Variants in MEGF10 observed in about 807,000 individuals in gnomAD.
MEGF10 encodes multiple EGF like domains 10.
Under a neutral mutation model 147.5 loss-of-function variants are expected in MEGF10, and 86 were observed. The ratio of observed to expected loss-of-function variants is 0.58; its 90% CI spans 0.49 to 0.70. MEGF10 has a LOEUF of 0.70. MEGF10 is among the 30% of genes least tolerant of loss of function. The probability of loss-of-function intolerance (pLI) is 0.00; values close to 1 mark genes in which losing one functional copy is unlikely to be tolerated. For missense variants in MEGF10, 1,329 were observed against 1,487.3 expected (o/e 0.89, Z 1.75); for synonymous variants, 478 against 525.5 (o/e 0.91, Z 1.24).
chr5:127,420,278 G>A, intron 12 of MEGF10, 71 bp downstream of exon 12: 1 of 1,537,860 alleles, frequency 6.5e-7, no homozygotes, highest in South Asian at 1.3e-5. Flanking sequence ...GCTTCTTTTT[G>A]CATTTTTCCT....
Position 127,419,216 on chromosome 5 carries a change from G to T in MEGF10, c.1402G>T (p.Asp468Tyr), listed in dbSNP as rs745877628. The T allele has an allele frequency of 5.0e-6, 8 of 1,613,934 alleles. No homozygotes were observed. Among genetic ancestry groups the T allele is most frequent in the Non-Finnish European group, 5.9e-6 (7 of 1,179,988 alleles). ...CKNDAVCSPVDGSCTCKAGWH... is the reference protein window; with the variant it reads ...CKNDAVCSPVYGSCTCKAGWH... ...AAATGATGCAGTCTGCTCTCCTGTG[G>T]ACGGGTCTTGTACTTGCAAGGCAGG... The change falls in exon 11 of 25, where the codon GAC becomes TAC. Residue 468 changes from aspartate to tyrosine, a missense_variant. By Grantham distance (160) the Asp-to-Tyr change is radical. Around this residue, in one of 3 missense-constraint regions of MEGF10, gnomAD observed 980 missense variants for 1,085.9 expected, o/e 0.90. Transcript: ENST00000503335.
At chr5:127,252,201 AT>A in the MEGF10 span, among the ~76,000 whole-genome samples, 3 of 151,702 alleles carry the variant, frequency 2.0e-5, no homozygotes, top group African/African-American at 7.3e-5. Context: ...TTTGGAGAAA[AT>A]TTTTTTACTA....
intron 1 of MEGF10, among the ~76,000 whole-genome samples, chr5:127,314,406 A>G (rs911146695): frequency 1.3e-5 from 2 of 152,194 alleles, no homozygotes; most frequent in African/African-American, 4.8e-5. Context: ...CTAGTTGAAG[A>G]GGTGGGATTG....
the MEGF10 span, among the ~76,000 whole-genome samples, chr5:127,239,461 AATATATATATATATAAT>A: frequency 7.6e-6 from 1 of 131,318 alleles, no homozygotes; most frequent in Non-Finnish European, 1.6e-5. Flanking sequence ...TTATATATAA[AATATATATATATATAAT>A]ATATATACAC....
the MEGF10 span, among the ~76,000 whole-genome samples, chr5:127,257,662 T>G: frequency 6.6e-6 from 1 of 152,206 alleles, no homozygotes; most frequent in Non-Finnish European, 1.5e-5. Flanking sequence ...GTTAGGGACA[T>G]GCCTGTGATA....
At chr5:127,417,901 C>T (rs1237017617) in intron 10 of MEGF10, 89 bp downstream of exon 10, 4 of 1,349,220 alleles carry the variant, frequency 3.0e-6, no homozygotes, top group Admixed American at 5.2e-5. Flanking sequence ...CAGTGAAATA[C>T]AGTGAATGTG....
chr5:127,435,868 G>A (rs1226145076), intron 16 of MEGF10, among the ~76,000 whole-genome samples: 1 of 152,162 alleles, frequency 6.6e-6, no homozygotes, highest in African/African-American at 2.4e-5. Flanking sequence ...AATGATGTGA[G>A]CCTTAGAAAC....
intron 4 of MEGF10, among the ~76,000 whole-genome samples, chr5:127,341,051 C>T (rs567510820): frequency 6.6e-6 from 1 of 152,206 alleles, no homozygotes; most frequent in African/African-American, 2.4e-5. Context: ...AATGATGAGG[C>T]TTATTAAATG....
intron 4 of MEGF10, among the ~76,000 whole-genome samples, chr5:127,347,300 A>G (rs1761926693): frequency 1.3e-5 from 2 of 152,212 alleles, no homozygotes; most frequent in African/African-American, 4.8e-5. Flanking sequence ...TTAATGTCAC[A>G]TAACTGCCTC....
In MEGF10 at chr5:127,300,898, G is replaced by A. The variant is rs192816277; in HGVS notation, c.-19+9842G>A. Among the ~76,000 whole-genome samples, 3 of 152,292 alleles carry A rather than the reference G, an allele frequency of 2.0e-5. No homozygotes were observed. In the East Asian group the frequency reaches 5.8e-4, roughly 29 times the overall value. On this transcript the variant is annotated intron_variant, in intron 1 of 24. Transcript: ENST00000503335. The stretch of plus-strand genomic sequence containing the variant: ...AGTGTTAGCAGAGCCCCACTCTTTA[G>A]AATCTAAAACAAATGCACCTCTCTA...
Position 127,457,508 on chromosome 5 carries a change from G to A in MEGF10, c.*190G>A. On this transcript the variant is annotated 3_prime_UTR_variant, in exon 25 of 25. Coordinates refer to ENST00000503335, the MANE Select transcript of MEGF10 (RefSeq NM_001256545.2). ...TGCTTTTTGTTCAGGTGGATTCGAA[G>A]GAGTTAGAGATGTGATTTCCCATTG... The A allele has an allele frequency of 1.7e-6, 1 of 599,760 alleles. No homozygotes were observed. Among genetic ancestry groups the A allele is most frequent in the East Asian group, 2.8e-5 (1 of 35,206 alleles). The allele number at this position is 599,760 out of a possible 1,614,324, so 37.2% of individuals were successfully genotyped here.
intron 5 of MEGF10, among the ~76,000 whole-genome samples, chr5:127,394,940 C>A (rs553045830): frequency 1.3e-5 from 2 of 152,242 alleles, no homozygotes; most frequent in South Asian, 4.1e-4. Flanking sequence ...ATTATGAAAT[C>A]CAAGGTAGAG....
At chr5:127,445,333 C>G in intron 19 of MEGF10, 124 bp from the exon 20 acceptor site, 1 of 745,626 alleles carries the variant, frequency 1.3e-6, no homozygotes, top group Non-Finnish European at 2.3e-6. Context: ...GCTCTGTTTC[C>G]AAATTAATGT....
chr5:127,446,814 A>T (rs1451310831), intron 20 of MEGF10, among the ~76,000 whole-genome samples: 1 of 152,172 alleles, frequency 6.6e-6, no homozygotes, highest in African/African-American at 2.4e-5. Context: ...TCCTTTGATA[A>T]AGCTAAGCCC....
intron 5 of MEGF10, 72 bp downstream of exon 5, chr5:127,370,074 C>A: frequency 8.9e-7 from 1 of 1,117,496 alleles, no homozygotes; most frequent in Non-Finnish European, 1.3e-6. Flanking sequence ...GCAGATGACC[C>A]TGAGCCATGC....
At chr5:127,307,977 C>T (rs973006034) in intron 1 of MEGF10, among the ~76,000 whole-genome samples, 1 of 152,118 alleles carries the variant, frequency 6.6e-6, no homozygotes, top group Admixed American at 6.5e-5. Context: ...ACAGAAGTCT[C>T]GCTGTCCCCT....
At chr5:127,365,662 C>A (rs148125852) in intron 4 of MEGF10, among the ~76,000 whole-genome samples, 2,700 of 152,254 alleles carry the variant, frequency 0.018, 48 homozygotes, top group Non-Finnish European at 0.023. Flanking sequence ...CTGCCCTGTG[C>A]AGCTTGCTGT....
the MEGF10 span, among the ~76,000 whole-genome samples, chr5:127,269,692 CG>C: frequency 2.0e-5 from 3 of 152,130 alleles, no homozygotes; most frequent in Admixed American, 2.0e-4. Flanking sequence ...AGAAATTCCC[CG>C]ATCTAGCAAG....
intron 1 of MEGF10, among the ~76,000 whole-genome samples, chr5:127,307,366 G>A (rs552273250): frequency 5.3e-5 from 8 of 152,290 alleles, no homozygotes; most frequent in African/African-American, 1.7e-4. Flanking sequence ...GTGAGAATGG[G>A]GTGGGCAGGG....
Sources: gnomAD v4.1 joint callset for allele counts (sites outside exome capture counted in the v4.1 genomes callset) on GRCh38, gnomAD v4.1.1 for gene constraint, gnomAD v4.1.1 regional missense constraint, MANE v1.5 for transcripts, NCBI Gene and HGNC (gene_info 2026-07-23, HGNC 2026-07-21) for gene names.